Variants in P2RY14 observed in about 807,000 individuals in gnomAD.
P2RY14 encodes the protein purinergic receptor P2Y14.
In P2RY14, 2 loss-of-function variants were observed where a neutral mutation model predicts 0.9. The observed-to-expected ratio is 2.16, with a 90% CI of 0.88 to 6.79. The LOEUF (loss-of-function observed/expected upper bound fraction) is 6.79, where lower values mean the gene tolerates loss of function less well. Ranked by LOEUF, P2RY14 falls within the 30% of genes most tolerant of loss-of-function variation. The pLI is 0.05. For missense variants in P2RY14, 378 were observed against 400.1 expected, an observed-to-expected ratio of 0.94 and a Z score of 0.47; for synonymous variants, 158 against 147.2, an observed-to-expected ratio of 1.07 and a Z score of -0.53.
intron 1 of P2RY14, among the ~76,000 whole-genome samples, chr3:151,257,336 C>G (rs1005427956): frequency 2.6e-5 from 4 of 152,148 alleles, no homozygotes; most frequent in African/African-American, 9.7e-5. Flanking sequence ...CATTTGTTGA[C>G]CTGTAGTCCT....
At chr3:151,261,902 T>G (rs1445661164) in intron 1 of P2RY14, among the ~76,000 whole-genome samples, 1 of 152,072 alleles carries the variant, frequency 6.6e-6, no homozygotes, top group African/African-American at 2.4e-5. Context: ...TTTTTTTGTA[T>G]TTTTAGTAGA....
At chr3:151,275,784 A>G (rs1393450017) in intron 1 of P2RY14, among the ~76,000 whole-genome samples, 1 of 152,118 alleles carries the variant, frequency 6.6e-6, no homozygotes, top group Non-Finnish European at 1.5e-5. Context: ...TTTAAAATAG[A>G]TTTTACATAG....
chr3:151,252,867 A>G (rs1335948684), intron 1 of P2RY14, among the ~76,000 whole-genome samples: 3 of 152,152 alleles, frequency 2.0e-5, no homozygotes, highest in African/African-American at 7.2e-5. Context: ...GGTTGTGTGG[A>G]TCAAACCTAG....
At chr3:151,246,822 A>G (rs1406587003) in intron 1 of P2RY14, among the ~76,000 whole-genome samples, 2 of 152,224 alleles carry the variant, frequency 1.3e-5, no homozygotes, top group Non-Finnish European at 2.9e-5. Context: ...CTACCATCAG[A>G]GTGAACAGGC....
intron 1 of P2RY14, among the ~76,000 whole-genome samples, chr3:151,266,262 C>CCAAGGTA (rs1739817298): frequency 6.6e-6 from 1 of 152,136 alleles, no homozygotes; most frequent in Non-Finnish European, 1.5e-5. Context: ...TATTCAACAT[C>CCAAGGTA]TTCTATTAAA....
intron 1 of P2RY14, among the ~76,000 whole-genome samples, chr3:151,237,930 T>C (rs1301094561): frequency 6.6e-6 from 1 of 152,196 alleles, no homozygotes; most frequent in East Asian, 1.9e-4. Context: ...TAGACTTCTT[T>C]GAATATTGTT....
At chr3:151,245,038 T>C (rs1357154777) in intron 1 of P2RY14, among the ~76,000 whole-genome samples, 4 of 152,126 alleles carry the variant, frequency 2.6e-5, no homozygotes, top group Admixed American at 6.5e-5. Flanking sequence ...ATAAATTCCT[T>C]GACACATACA....
At chr3:151,270,196 C>T (rs1012645043) in intron 1 of P2RY14, 5 of 129,708 alleles carry the variant, frequency 3.9e-5, no homozygotes, top group Admixed American at 2.6e-4. Context: ...AGCAAGCTGT[C>T]GTGTGTGTGT....
chr3:151,266,138 A>G (rs935027380), intron 1 of P2RY14, among the ~76,000 whole-genome samples: 2 of 152,132 alleles, frequency 1.3e-5, no homozygotes, highest in Admixed American at 6.5e-5. Context: ...TTGCAGCACA[A>G]CGTTGTTACG....
intron 1 of P2RY14, among the ~76,000 whole-genome samples, chr3:151,263,623 T>A (rs1469020538): frequency 6.6e-6 from 1 of 152,234 alleles, no homozygotes; most frequent in Non-Finnish European, 1.5e-5. Context: ...TTAAATTTTT[T>A]AAGTGTTATT....
At chr3:151,235,572 T>C (rs909095767) in intron 1 of P2RY14, among the ~76,000 whole-genome samples, 7 of 152,064 alleles carry the variant, frequency 4.6e-5, no homozygotes, top group Admixed American at 4.6e-4. Flanking sequence ...GGCGTGCCTG[T>C]AATCCCAGTT....
rs573701670 is a variant in P2RY14 at position 151,243,878 on chromosome 3, C to T, written c.-132-24236G>A. ...TGCTGTATTCAGGAAACCCATCTCA[C>T]GTGCAGAGACACACATAGGCTCAAA... On this transcript the variant is annotated intron_variant, in intron 1 of 2. Coordinates refer to ENST00000309170, the MANE Select transcript of P2RY14 (RefSeq NM_014879.4). Among the ~76,000 whole-genome samples, 340 of 148,784 alleles carry T rather than the reference C, an allele frequency of 2.3e-3. 3 individuals are homozygous for T. Among genetic ancestry groups the T allele is most frequent in the Admixed American group, 0.018 (268 of 14,952 alleles).
At chr3:151,269,583 C>T in intron 1 of P2RY14, 2 of 288,130 alleles carry the variant, frequency 6.9e-6, no homozygotes, top group South Asian at 3.8e-5. Flanking sequence ...CATTTGTCAG[C>T]CATCCACAAG....
At chr3:151,248,170 G>C (rs1032523825) in intron 1 of P2RY14, among the ~76,000 whole-genome samples, 1 of 151,702 alleles carries the variant, frequency 6.6e-6, no homozygotes, top group South Asian at 2.1e-4. Context: ...AATGTTTAAC[G>C]CTCAGAGGAA....
chr3:151,232,444 C>G (rs141250408), intron 1 of P2RY14, among the ~76,000 whole-genome samples: 3 of 152,084 alleles, frequency 2.0e-5, no homozygotes, highest in Admixed American at 6.6e-5. Flanking sequence ...GGGTATAAAC[C>G]CAGAGGAATA....
chr3:151,264,403 A>G (rs1004573144), intron 1 of P2RY14, among the ~76,000 whole-genome samples: 23 of 152,258 alleles, frequency 1.5e-4, no homozygotes, highest in South Asian at 6.2e-4. Flanking sequence ...GTATTTTGTC[A>G]GTTAGGAAAG....
At chr3:151,252,989 C>T (rs1321484172) in intron 1 of P2RY14, among the ~76,000 whole-genome samples, 1 of 152,066 alleles carries the variant, frequency 6.6e-6, no homozygotes, top group African/African-American at 2.4e-5. Context: ...TTTAAGGGAA[C>T]TTGCCCTTAA....
intron 1 of P2RY14, among the ~76,000 whole-genome samples, chr3:151,252,477 G>A (rs991882020): frequency 2.6e-5 from 4 of 151,934 alleles, no homozygotes; most frequent in African/African-American, 7.3e-5. Context: ...TGAGAGCCAG[G>A]GCAGTGTCTT....
chr3:151,239,745 A>G (rs1231614714), intron 1 of P2RY14, among the ~76,000 whole-genome samples: 1 of 152,048 alleles, frequency 6.6e-6, no homozygotes, highest in Non-Finnish European at 1.5e-5. Context: ...ATTTATCTAT[A>G]TTTTCTGATA....
Sources: allele counts gnomAD v4.1 joint callset (sites outside exome capture counted in the v4.1 genomes callset), GRCh38; gene constraint gnomAD v4.1.1; transcripts MANE v1.5; gene names NCBI Gene and HGNC (gene_info 2026-07-23, HGNC 2026-07-21).